Variants in MYH9 observed in about 807,000 individuals in gnomAD.
MYH9 encodes myosin heavy chain 9.
A neutral mutation model predicts 241.9 loss-of-function variants in MYH9; 29 were observed. That is an observed-to-expected ratio of 0.12 (90% confidence interval 0.09 to 0.16). MYH9 has a LOEUF of 0.16. Among genes scored for constraint, MYH9 ranks in the 10% least tolerant of loss-of-function variants. The pLI is 1.00. For synonymous variants in MYH9, 1,047 were observed against 1,062.6 expected (o/e 0.99, Z 0.29); for missense variants, 1,803 against 2,595.5 (o/e 0.69, Z 6.63).
In MYH9 at chr22:36,285,251, G is replaced by A. The variant is rs761606303; in HGVS notation, c.5353C>T (p.Arg1785Cys). The A allele has an allele frequency of 8.7e-6, 14 of 1,614,130 alleles. No individual in the cohort carries two copies. The highest frequency in any genetic ancestry group is 1.7e-5 in the Admixed American group (1 of 60,020). The stretch of plus-strand genomic sequence containing the variant: ...TTGACCTTAAGCTCCTTGTTCTGGC[G>A]TTCCAGCTGCTGCCGAGCATTCTCG... Reference protein sequence around the residue: ...KNENARQQLERQNKELKVKLQ... With the variant: ...KNENARQQLECQNKELKVKLQ... Residue 1785 changes from arginine to cysteine, a missense_variant, in exon 38 of 41, where the codon CGC (arginine) becomes TGC (cysteine). Arg to Cys is a radical substitution (Grantham distance 180). This residue lies in a region of MYH9 where 876 missense variants were observed against 1,077.8 expected (regional missense o/e 0.81). Transcript: ENST00000216181. The surrounding 1 kb of genome is among the most constrained non-coding windows in gnomAD (Gnocchi z 7.0).
At chr22:36,292,372 C>G (rs2016720404) in intron 30 of MYH9, 138 bp from the exon 31 acceptor site, 2 of 1,132,882 alleles carry the variant, frequency 1.8e-6, no homozygotes, top group Non-Finnish European at 2.6e-6. Context: ...GAAACCGCCT[C>G]CCCCAGTCAC....
chr22:36,305,889 C>G lies in MYH9; in HGVS notation c.2159+41G>C, dbSNP rs751049353. On this transcript the variant is annotated intron_variant, in intron 17 of 40. Transcript: ENST00000216181. The surrounding 1 kb of genome is among the most constrained non-coding windows in gnomAD (Gnocchi z 4.7). ...CCACCTCTGGGACTCACTGCACGCACAGCAGGGCCCAGGAGAAGCGGGCTC... is the reference window on the plus strand; with the variant it reads ...CCACCTCTGGGACTCACTGCACGCAGAGCAGGGCCCAGGAGAAGCGGGCTC... 3.1e-6 allele frequency: 5 copies of G among 1,611,448 alleles called. No individual in the cohort carries two copies. The African/African-American group carries it at 5.3e-5, about 17-fold the overall frequency.
chr22:36,367,195 C>T (rs62228864), intron 1 of MYH9, among the ~76,000 whole-genome samples: 2,217 of 152,278 alleles, frequency 0.015, 35 homozygotes, highest in Non-Finnish European at 0.024. Flanking sequence ...CTTCGTCACC[C>T]TCCGGAGGGT....
At position 36,295,756 on chromosome 22, in the gene MYH9, T is replaced by C; in HGVS notation, c.3273-39A>G. Reference sequence around the variant, plus strand: ...CAGCAACATCAGTATAAGGAGAGTTTCACCTCCAAGGAGCAGAGTTTGCAG... The same window carrying C: ...CAGCAACATCAGTATAAGGAGAGTTCCACCTCCAAGGAGCAGAGTTTGCAG... On this transcript the variant is annotated intron_variant, in intron 25 of 40. Coordinates refer to ENST00000216181, the MANE Select transcript of MYH9 (RefSeq NM_002473.6). The surrounding 1 kb of genome is among the most constrained non-coding windows in gnomAD (Gnocchi z 4.1). The C allele has an allele frequency of 6.4e-7, 1 of 1,573,804 alleles. No individual in the cohort carries two copies. Among genetic ancestry groups the C allele is most frequent in the Non-Finnish European group, 8.7e-7 (1 of 1,151,380 alleles).
chr22:36,354,283 C>T (rs2017816835), intron 1 of MYH9, among the ~76,000 whole-genome samples: 1 of 151,976 alleles, frequency 6.6e-6, no homozygotes, highest in African/African-American at 2.4e-5. Context: ...TAACTCTACT[C>T]GGTCACACAA....
At chr22:36,333,223 A>C (rs2017450429) in intron 3 of MYH9, among the ~76,000 whole-genome samples, 1 of 152,254 alleles carries the variant, frequency 6.6e-6, no homozygotes, top group South Asian at 2.1e-4. Context: ...GATGAGTCAA[A>C]CGTGCTTGAG....
In MYH9 at chr22:36,295,744, A is replaced by G. The variant is rs1182408536; in HGVS notation, c.3273-27T>C. On this transcript the variant is annotated intron_variant, in intron 25 of 40. Coordinates refer to ENST00000216181, the MANE Select transcript of MYH9 (RefSeq NM_002473.6). The surrounding 1 kb of genome is among the most constrained non-coding windows in gnomAD (Gnocchi z 4.1). ...TGCCAAAGCGACCAGCAACATCAGT[A>G]TAAGGAGAGTTTCACCTCCAAGGAG... 1 of 1,600,674 alleles carries G rather than the reference A, an allele frequency of 6.2e-7. No individual in the cohort carries two copies. Among genetic ancestry groups the G allele is most frequent in the Admixed American group, 1.7e-5 (1 of 59,254 alleles).
At chr22:36,302,426 T>C (rs143307483) in intron 20 of MYH9, 142 bp downstream of exon 20, 9,170 of 693,398 alleles carry the variant, frequency 0.013, 98 homozygotes, top group Middle Eastern at 0.064. Context: ...GGTAGGAGGA[T>C]TGCTGGAGCC....
In MYH9 at chr22:36,293,775, T is replaced by C; in HGVS notation, c.3926A>G (p.Gln1309Arg). Residue 1309 changes from glutamine to arginine, a missense_variant, in exon 29 of 41, where the codon CAG becomes CGG. By Grantham distance (43) the Gln-to-Arg change is conservative (BLOSUM62 1). Around this residue, in one of 11 missense-constraint regions of MYH9, gnomAD observed 876 missense variants for 1,077.8 expected, o/e 0.81. Coordinates refer to ENST00000216181, the MANE Select transcript of MYH9 (RefSeq NM_002473.6). The surrounding 1 kb of genome is among the most constrained non-coding windows in gnomAD (Gnocchi z 5.1). ...CACCCCTACCTGAGTGTCCTGCAGCTGGGACTCCAGCGCGGAGAAGTCCTT... is the reference window on the plus strand; with the variant it reads ...CACCCCTACCTGAGTGTCCTGCAGCCGGGACTCCAGCGCGGAGAAGTCCTT... ...LTKDFSALESQLQDTQELLQE... is the reference protein window; with the variant it reads ...LTKDFSALESRLQDTQELLQE... 1 of 1,613,852 alleles carries C rather than the reference T, an allele frequency of 6.2e-7. No homozygotes were observed. Among genetic ancestry groups the C allele is most frequent in the Non-Finnish European group, 8.5e-7 (1 of 1,179,990 alleles).
chr22:36,311,467 GAT>G (rs145295984), intron 14 of MYH9, among the ~76,000 whole-genome samples: 2,946 of 152,238 alleles, frequency 0.019, 86 homozygotes, highest in African/African-American at 0.067. Flanking sequence ...AGCAGCCAGG[GAT>G]GCTGGTAAAC....
At chr22:36,298,285 G>A (rs2016819568) in intron 24 of MYH9, among the ~76,000 whole-genome samples, 1 of 152,052 alleles carries the variant, frequency 6.6e-6, no homozygotes, top group South Asian at 2.1e-4. Context: ...GCAGGGCTGG[G>A]GGTCCTCAGA....
intron 1 of MYH9, among the ~76,000 whole-genome samples, chr22:36,360,030 A>ACAACACCACCACCAC (rs528391200): frequency 9.8e-6 from 1 of 102,160 alleles, no homozygotes; most frequent in Non-Finnish European, 2.1e-5. Context: ...ATGAGGACAA[A>ACAACACCACCACCAC]CACCACCACC....
At chr22:36,296,591 A>G (rs2016791639) in intron 25 of MYH9, among the ~76,000 whole-genome samples, 1 of 150,126 alleles carries the variant, frequency 6.7e-6, no homozygotes, top group Non-Finnish European at 1.5e-5. Flanking sequence ...AGAAATTAGG[A>G]AAGGACTATT....
intron 1 of MYH9, among the ~76,000 whole-genome samples, chr22:36,372,294 C>A (rs1411077012): frequency 6.6e-6 from 1 of 151,974 alleles, no homozygotes; most frequent in African/African-American, 2.4e-5. Flanking sequence ...TCAAGACCAG[C>A]CTGGGTAACA....
At chr22:36,345,649 TG>T (rs532446464) in intron 2 of MYH9, among the ~76,000 whole-genome samples, 51 of 152,348 alleles carry the variant, frequency 3.3e-4, no homozygotes, top group African/African-American at 1.2e-3. Context: ...TCACTAATTC[TG>T]AATTTCAGTG....
chr22:36,296,482 C>T (rs2016789562), intron 25 of MYH9, among the ~76,000 whole-genome samples: 2 of 151,258 alleles, frequency 1.3e-5, no homozygotes, highest in Non-Finnish European at 2.9e-5. Flanking sequence ...GTGATCCACC[C>T]GGCTTGGCCT....
At position 36,288,508 on chromosome 22, in the gene MYH9, A is replaced by T; in HGVS notation, c.4771-95T>A. The T allele has an allele frequency of 3.9e-6, 6 of 1,528,508 alleles. No homozygotes were observed. The highest frequency in any genetic ancestry group is 5.4e-6 in the Non-Finnish European group (6 of 1,116,678). The allele number at this position is 1,528,508 out of a possible 1,614,324, so 94.7% of individuals were successfully genotyped here. On this transcript the variant is annotated intron_variant, in intron 33 of 40. Coordinates refer to ENST00000216181, the MANE Select transcript of MYH9 (RefSeq NM_002473.6). This position sits in a 1 kb window ranked among gnomAD's most constrained non-coding sequence, Gnocchi z 4.8. ...AGGAGCCTCAGGCCAGTTCTGCAGGATCCATGGGGCCTCGGGAAACCAGTG... is the reference window on the plus strand; with the variant it reads ...AGGAGCCTCAGGCCAGTTCTGCAGGTTCCATGGGGCCTCGGGAAACCAGTG...
intron 13 of MYH9, among the ~76,000 whole-genome samples, chr22:36,313,282 T>C (rs1429093194): frequency 6.7e-6 from 1 of 150,200 alleles, no homozygotes; most frequent in African/African-American, 2.5e-5. Flanking sequence ...AAACTCCGCC[T>C]CCACTAAAAA....
intron 5 of MYH9, among the ~76,000 whole-genome samples, chr22:36,326,118 C>T (rs1036693964): frequency 6.6e-6 from 1 of 152,050 alleles, no homozygotes; most frequent in African/African-American, 2.4e-5. Context: ...TTTCTGTCTT[C>T]GCTGGGGTGG....
Sources: allele counts gnomAD v4.1 joint callset (sites outside exome capture counted in the v4.1 genomes callset), GRCh38; gene constraint gnomAD v4.1.1; regional missense constraint gnomAD v4.1.1; non-coding constraint Gnocchi (gnomAD v3.1); transcripts MANE v1.5; gene names NCBI Gene and HGNC (gene_info 2026-07-23, HGNC 2026-07-21).